The following FER variants were observed in gnomAD, a reference collection of about 807,000 sequenced individuals.
The protein encoded by FER is FER tyrosine kinase, also known as tyrosine-protein kinase Fer.
In FER, 63 loss-of-function variants were observed where a neutral mutation model predicts 111.0. That is an observed-to-expected ratio of 0.57 (90% confidence interval 0.46 to 0.70). The LOEUF (loss-of-function observed/expected upper bound fraction) is 0.70, where lower values mean the gene tolerates loss of function less well. Among genes scored for constraint, FER ranks in the 30% least tolerant of loss-of-function variants. The pLI is 0.00. For missense variants in FER, 914 were observed against 954.0 expected, an observed-to-expected ratio of 0.96 and a Z score of 0.55; for synonymous variants, 327 against 313.9, an observed-to-expected ratio of 1.04 and a Z score of -0.44.
intron 3 of FER, among the ~76,000 whole-genome samples, chr5:108,828,852 C>T (rs1759743894): frequency 1.3e-5 from 2 of 152,138 alleles, no homozygotes; most frequent in Non-Finnish European, 1.5e-5. Context: ...GTAATCTTAG[C>T]ACTTTGGGAG....
intron 3 of FER, among the ~76,000 whole-genome samples, chr5:108,824,257 A>AG (rs533870513): frequency 6.6e-6 from 1 of 152,204 alleles, no homozygotes; most frequent in South Asian, 2.1e-4. Flanking sequence ...TTTAGCATTC[A>AG]GGGTATTTTA....
chr5:108,946,002 A>G, intron 10 of FER, 128 bp from the exon 11 acceptor site: 1 of 593,524 alleles, frequency 1.7e-6, no homozygotes, highest in Non-Finnish European at 3.0e-6. Flanking sequence ...CTTGAATGTC[A>G]GGAAGTTTAT....
chr5:108,872,039 T>C, intron 7 of FER, 54 bp from the exon 8 acceptor site: 1 of 1,535,830 alleles, frequency 6.5e-7, no homozygotes, highest in South Asian at 1.2e-5. Context: ...TATATGAAGA[T>C]ATATTATGAT....
chr5:109,099,748 C>T (rs903353217), intron 16 of FER, among the ~76,000 whole-genome samples: 4 of 151,392 alleles, frequency 2.6e-5, no homozygotes, highest in Non-Finnish European at 5.9e-5. Flanking sequence ...TACTACTTAG[C>T]TCATGTTATG....
At chr5:109,148,782 T>C (rs180794449) in intron 17 of FER, among the ~76,000 whole-genome samples, 9 of 152,276 alleles carry the variant, frequency 5.9e-5, no homozygotes, top group African/African-American at 2.2e-4. Context: ...TATGTGTGTA[T>C]GTATTCTCAC....
chr5:108,896,091 A>C (rs1316962715), intron 9 of FER, among the ~76,000 whole-genome samples: 1 of 152,064 alleles, frequency 6.6e-6, no homozygotes, highest in Non-Finnish European at 1.5e-5. Context: ...CCGGAAGTAC[A>C]TGAAAATATA....
chr5:108,850,508 T>A (rs1220718884), intron 5 of FER, among the ~76,000 whole-genome samples: 1 of 152,190 alleles, frequency 6.6e-6, no homozygotes, highest in Non-Finnish European at 1.5e-5. Flanking sequence ...TGTGCTTGAT[T>A]TGTCTTTTGA....
chr5:109,121,267 C>T (rs1750931198), intron 17 of FER, among the ~76,000 whole-genome samples: 1 of 152,040 alleles, frequency 6.6e-6, no homozygotes, highest in South Asian at 2.1e-4. Context: ...AGGTATGTTT[C>T]TTCTGTACCA....
intron 13 of FER, among the ~76,000 whole-genome samples, chr5:109,033,680 TA>T (rs1263718548): frequency 2.0e-5 from 3 of 152,256 alleles, no homozygotes; most frequent in East Asian, 1.9e-4. Context: ...TTGGTAGTTC[TA>T]CCCCATCTTT....
intron 2 of FER, among the ~76,000 whole-genome samples, chr5:108,778,772 A>G (rs1753753227): frequency 1.3e-5 from 2 of 152,192 alleles, no homozygotes; most frequent in Admixed American, 1.3e-4. Context: ...TTATCTTTTC[A>G]TTCTCTTGAC....
At chr5:109,139,885 G>C (rs1359051983) in intron 17 of FER, among the ~76,000 whole-genome samples, 1 of 152,088 alleles carries the variant, frequency 6.6e-6, no homozygotes, top group African/African-American at 2.4e-5. Flanking sequence ...GTGCTAGATG[G>C]ATTGCAATAA....
intron 13 of FER, among the ~76,000 whole-genome samples, chr5:109,031,704 T>G (rs1161410905): frequency 6.6e-6 from 1 of 152,228 alleles, no homozygotes; most frequent in Non-Finnish European, 1.5e-5. Context: ...CTTCTTTCTA[T>G]GCTTTTGCCA....
chr5:109,123,702 C>T (rs929441704), intron 17 of FER, among the ~76,000 whole-genome samples: 3 of 152,178 alleles, frequency 2.0e-5, no homozygotes, highest in Admixed American at 2.0e-4. Flanking sequence ...CATTCTCCTG[C>T]TTTCTAACTT....
At position 109,187,424 on chromosome 5, in the gene FER, G is replaced by T; in HGVS notation, c.2327-9G>T. 1.9e-6 allele frequency: 3 copies of T among 1,610,310 alleles called. No homozygotes were observed. The highest frequency in any genetic ancestry group is 2.5e-6 in the Non-Finnish European group (3 of 1,178,402). ...TCTAAATTCTGTTCTCCTTCTCTTG[G>T]GTCTTCAGGATACCGGATGTCAGCT... On this transcript the variant is annotated splice_polypyrimidine_tract_variant and intron_variant, in intron 19 of 19. Transcript: ENST00000281092.
chr5:109,177,149 T>C (rs1463771662), intron 17 of FER, among the ~76,000 whole-genome samples: 2 of 152,216 alleles, frequency 1.3e-5, no homozygotes, highest in African/African-American at 4.8e-5. Flanking sequence ...TTTTAAAAGT[T>C]GGTGCTTTTA....
At chr5:108,782,711 C>A (rs1754231327) in intron 2 of FER, 1 of 152,120 alleles carries the variant, frequency 6.6e-6, no homozygotes, top group Non-Finnish European at 1.5e-5. Flanking sequence ...CTCCTGGGCT[C>A]AAGCAATATG....
At chr5:108,809,989 T>C (rs993124068) in intron 3 of FER, among the ~76,000 whole-genome samples, 6 of 152,248 alleles carry the variant, frequency 3.9e-5, no homozygotes, top group Admixed American at 3.9e-4. Flanking sequence ...AGAATTCTTG[T>C]GCTGGTTCCT....
intron 14 of FER, among the ~76,000 whole-genome samples, 180 bp from the exon 15 acceptor site, chr5:109,044,500 A>G (rs554512688): frequency 1.3e-5 from 2 of 152,212 alleles, no homozygotes; most frequent in African/African-American, 2.4e-5. Flanking sequence ...ATTTTATACC[A>G]CAATATGTCC....
intron 14 of FER, among the ~76,000 whole-genome samples, chr5:109,038,403 CT>C (rs1770690667): frequency 6.6e-6 from 1 of 151,894 alleles, no homozygotes; most frequent in African/African-American, 2.4e-5. Context: ...TTACTCATTA[CT>C]TTTTTGATTC....
Sources: gnomAD v4.1 joint callset for allele counts (sites outside exome capture counted in the v4.1 genomes callset) on GRCh38, gnomAD v4.1.1 for gene constraint, MANE v1.5 for transcripts, NCBI Gene and HGNC (gene_info 2026-07-23, HGNC 2026-07-21) for gene names.